PEX7: variants seen among roughly 807,000 people sequenced by gnomAD.
PEX7 encodes peroxisomal biogenesis factor 7.
Under a neutral mutation model 47.5 loss-of-function variants are expected in PEX7, and 34 were observed. That is an observed-to-expected ratio of 0.72 (90% confidence interval 0.54 to 0.95). PEX7 has a LOEUF of 0.95. Ranked by LOEUF, PEX7 falls within the 40% of genes least tolerant of loss-of-function variation. The probability of loss-of-function intolerance (pLI) is 0.00; values close to 1 mark genes in which losing one functional copy is unlikely to be tolerated. For missense variants in PEX7, 394 were observed against 400.3 expected (o/e 0.98, Z 0.13); for synonymous variants, 141 against 148.8 (o/e 0.95, Z 0.38).
chr6:136,850,511 C>T (rs1774724116), intron 5 of PEX7, among the ~76,000 whole-genome samples: 1 of 152,142 alleles, frequency 6.6e-6, no homozygotes, highest in African/African-American at 2.4e-5. Flanking sequence ...TATTCCTTTC[C>T]ATGTTTAGGA....
rs114232860 is a variant in PEX7, at chr6:136,838,422, G to A, written c.340-7193G>A. Among the ~76,000 whole-genome samples, 1,213 of 152,304 alleles carry A rather than the reference G, an allele frequency of 8.0e-3. 11 individuals are homozygous for A. The highest frequency in any genetic ancestry group is 0.022 in the African/African-American group (919 of 41,568). On this transcript the variant is annotated intron_variant, in intron 3 of 9. Coordinates refer to ENST00000318471, the MANE Select transcript of PEX7 (RefSeq NM_000288.4). ...GGTTTTTTCAACAAGTAAATGTTAT[G>A]GGATGTGGGGCAGAAAGAGCAAGGT...
At chr6:136,911,069 A>G (rs549077906) in intron 9 of PEX7, among the ~76,000 whole-genome samples, 1 of 152,278 alleles carries the variant, frequency 6.6e-6, no homozygotes, top group African/African-American at 2.4e-5. Context: ...CGTCTGTGAA[A>G]TTCACATCAT....
intron 8 of PEX7, among the ~76,000 whole-genome samples, chr6:136,877,729 C>G (rs990074732): frequency 2.6e-5 from 4 of 152,024 alleles, no homozygotes; most frequent in Non-Finnish European, 5.9e-5. Flanking sequence ...TTGTAGTATA[C>G]TTTGAAGTCA....
intron 8 of PEX7, among the ~76,000 whole-genome samples, chr6:136,875,555 G>A (rs567960558): frequency 6.6e-6 from 1 of 152,250 alleles, no homozygotes; most frequent in Admixed American, 6.5e-5. Context: ...TGAAATTTGG[G>A]GGAAGTGGAA....
intron 8 of PEX7, among the ~76,000 whole-genome samples, chr6:136,889,512 G>T (rs1775520848): frequency 6.6e-6 from 1 of 152,168 alleles, no homozygotes; most frequent in African/African-American, 2.4e-5. Context: ...TGCAGTATAA[G>T]TCATTGCTTT....
At chr6:136,825,321 T>G (rs1774168303) in intron 2 of PEX7, 50 bp downstream of exon 2, 3 of 1,411,104 alleles carry the variant, frequency 2.1e-6, no homozygotes, top group Non-Finnish European at 3.0e-6. Context: ...ATTAAAGCCT[T>G]AATAGAATTA....
At chr6:136,845,795 G>T (rs373278677) in intron 4 of PEX7, 103 bp downstream of exon 4, 5 of 809,090 alleles carry the variant, frequency 6.2e-6, no homozygotes, top group Admixed American at 3.8e-5. Flanking sequence ...TCTATGATTC[G>T]ACAGCTGAGC....
intron 5 of PEX7, among the ~76,000 whole-genome samples, chr6:136,853,410 T>C (rs1774796018): frequency 6.6e-6 from 1 of 152,156 alleles, no homozygotes; most frequent in Admixed American, 6.5e-5. Context: ...CCTAATAGTG[T>C]CTCCTCTTTC....
intron 3 of PEX7, among the ~76,000 whole-genome samples, chr6:136,832,469 A>G (rs1170559881): frequency 2.6e-5 from 4 of 152,298 alleles, no homozygotes; most frequent in East Asian, 3.9e-4. Context: ...TTGGCTATTA[A>G]TATTTGGCTC....
intron 3 of PEX7, among the ~76,000 whole-genome samples, chr6:136,831,880 T>C (rs1160974815): frequency 1.3e-5 from 2 of 152,274 alleles, no homozygotes; most frequent in African/African-American, 4.8e-5. Context: ...TCCTTATGGC[T>C]GCTTTCACTG....
In PEX7 at chr6:136,900,465, C is replaced by CCCCCAGTG; in HGVS notation, c.903+2225_903+2232dup. On this transcript the variant is annotated intron_variant, in intron 9 of 9. Coordinates refer to ENST00000318471, the MANE Select transcript of PEX7 (RefSeq NM_000288.4). The surrounding 1 kb of genome is among the most constrained non-coding windows in gnomAD (Gnocchi z 4.2). ...CAGACTTGGGACCAAGGACATTGCC[C>CCCCCAGTG]CCCCAGTGACAGCAGATCTCATCGT... The CCCCCAGTG allele has an allele frequency of 2.2e-6, 1 of 459,460 alleles. No homozygotes were observed. The highest frequency in any genetic ancestry group is 4.3e-6 in the Non-Finnish European group (1 of 231,384). The allele number at this position is 459,460 out of a possible 1,614,324, so 28.5% of individuals were successfully genotyped here. A position where few individuals can be genotyped will look rare whatever the true frequency, so the allele number is the denominator to read the frequency against.
intron 8 of PEX7, among the ~76,000 whole-genome samples, chr6:136,875,163 T>TC (rs1440044636): frequency 6.6e-6 from 1 of 151,696 alleles, no homozygotes; most frequent in Non-Finnish European, 1.5e-5. Context: ...AAAGAACTTT[T>TC]TTTTTTTATT....
chr6:136,834,254 C>T (rs1774347535), intron 3 of PEX7, among the ~76,000 whole-genome samples: 1 of 152,198 alleles, frequency 6.6e-6, no homozygotes, highest in African/African-American at 2.4e-5. Flanking sequence ...TGCAGTGGCA[C>T]AATCTCAGTT....
intron 3 of PEX7, among the ~76,000 whole-genome samples, chr6:136,841,519 C>T (rs968059027): frequency 1.3e-5 from 2 of 152,170 alleles, no homozygotes; most frequent in Non-Finnish European, 2.9e-5. Context: ...CAGTCTTTCT[C>T]TTCTGAGCAC....
At chr6:136,887,948 A>G (rs1172451082) in intron 8 of PEX7, among the ~76,000 whole-genome samples, 1 of 152,104 alleles carries the variant, frequency 6.6e-6, no homozygotes, top group African/African-American at 2.4e-5. Flanking sequence ...TATCTTTGTC[A>G]CAGATACTCT....
chr6:136,894,311 G>A (rs1458022619), intron 8 of PEX7, among the ~76,000 whole-genome samples: 3 of 152,130 alleles, frequency 2.0e-5, no homozygotes, highest in Non-Finnish European at 4.4e-5. Context: ...ACAAAAATTA[G>A]CAGGGGATGG....
At chr6:136,860,108 C>T (rs548134685) in intron 5 of PEX7, among the ~76,000 whole-genome samples, 1 of 152,038 alleles carries the variant, frequency 6.6e-6, no homozygotes, top group Non-Finnish European at 1.5e-5. Context: ...GTCTATGGCA[C>T]CATCACAGGG....
At chr6:136,899,409 AT>A (rs1349160528) in intron 9 of PEX7, among the ~76,000 whole-genome samples, 2 of 151,900 alleles carry the variant, frequency 1.3e-5, no homozygotes, top group African/African-American at 4.8e-5. Flanking sequence ...TGCCTGGCTT[AT>A]TTTTTGTATT....
At chr6:136,837,354 T>G (rs1582739637) in intron 3 of PEX7, among the ~76,000 whole-genome samples, 4 of 25,906 alleles carry the variant, frequency 1.5e-4, no homozygotes, top group African/African-American at 4.3e-4. Context: ...AGAGTGAGAG[T>G]CTGTCACAAA....
Sources: allele counts gnomAD v4.1 joint callset (sites outside exome capture counted in the v4.1 genomes callset), GRCh38; gene constraint gnomAD v4.1.1; non-coding constraint Gnocchi (gnomAD v3.1); transcripts MANE v1.5; gene names NCBI Gene and HGNC (gene_info 2026-07-23, HGNC 2026-07-21).